GUSB: variants seen among roughly 807,000 people sequenced by gnomAD.
GUSB encodes beta-glucuronidase.
In GUSB, 51 loss-of-function variants were observed where a neutral mutation model predicts 74.6. The observed-to-expected ratio is 0.68, with a 90% CI of 0.55 to 0.86. GUSB has a LOEUF of 0.86. Among genes scored for constraint, GUSB ranks in the 40% least tolerant of loss-of-function variants. The pLI is 0.00. For synonymous variants in GUSB, 360 were observed against 348.3 expected, an observed-to-expected ratio of 1.03 and a Z score of -0.37; for missense variants, 736 against 853.7, an observed-to-expected ratio of 0.86 and a Z score of 1.72.
intron 2 of GUSB, 30 bp from the exon 3 acceptor site, chr7:65,979,941 C>A (rs1222666978): frequency 1.3e-6 from 2 of 1,551,518 alleles, no homozygotes; most frequent in Non-Finnish European, 1.7e-6. Flanking sequence ...GGGGAGGGGG[C>A]TGCAGGTCAG....
At chr7:65,976,893 A>T (rs1444190003) in intron 4 of GUSB, among the ~76,000 whole-genome samples, 1 of 151,848 alleles carries the variant, frequency 6.6e-6, no homozygotes, top group African/African-American at 2.4e-5. Flanking sequence ...GTGAGCTATG[A>T]TCTTGAGGCA....
chr7:65,966,552 G>C (rs961737793), intron 10 of GUSB, among the ~76,000 whole-genome samples: 1 of 152,146 alleles, frequency 6.6e-6, no homozygotes, highest in African/African-American at 2.4e-5. Context: ...CAGCACTTTG[G>C]GAGTCTGAGG....
intron 9 of GUSB, among the ~76,000 whole-genome samples, chr7:65,969,010 G>A (rs1047689879): frequency 3.9e-5 from 6 of 152,298 alleles, no homozygotes; most frequent in Admixed American, 1.3e-4. Flanking sequence ...TCAGCATAGC[G>A]GTGCTTACAG....
chr7:65,980,111 G>A, intron 2 of GUSB, 113 bp downstream of exon 2: 1 of 1,143,584 alleles, frequency 8.7e-7, no homozygotes, highest in Non-Finnish European at 1.3e-6. Context: ...GGGCAGGGCA[G>A]GACCCCCCAC....
chr7:65,974,962 T>A lies in GUSB; in HGVS notation c.1022A>T (p.Lys341Ile). 6.2e-7 allele frequency: 1 copy of A among 1,613,854 alleles called. No individual in the cohort carries two copies. Among genetic ancestry groups the A allele is most frequent in the Non-Finnish European group, 8.5e-7 (1 of 1,179,816 alleles). Residue 341 changes from lysine (K) to isoleucine (I), a missense_variant, in exon 6 of 12, where the codon AAA (lysine) becomes ATA (isoleucine). Transcript: ENST00000304895. ...GTTGACACCGTGGAAATAGAAAGGT[T>A]TCCCATTGATGAGGAACTGGCTCTT... The part of the protein sequence containing the change: ...VTKSQFLING[K>I]PFYFHGVNKH...
intron 8 of GUSB, among the ~76,000 whole-genome samples, chr7:65,971,273 A>C (rs2115913162): frequency 6.6e-6 from 1 of 152,304 alleles, no homozygotes; most frequent in African/African-American, 2.4e-5. Flanking sequence ...ATCTAAGTCC[A>C]CAGGTCCTGG....
chr7:65,980,216 G>C lies in GUSB; in HGVS notation c.396+8C>G. The C allele has an allele frequency of 1.1e-6, 1 of 922,454 alleles. No homozygotes were observed. The highest frequency in any genetic ancestry group is 1.3e-5 in the South Asian group (1 of 75,906). 57.1% of individuals were successfully genotyped at this position (922,454 alleles called of 1,614,324 possible). The stretch of plus-strand genomic sequence containing the variant: ...CCACCCGCCCTGCCTGCTCCTGGCC[G>C]CACTGACCACGATGGCATAGGAATG... On this transcript the variant is annotated splice_region_variant and intron_variant, in intron 2 of 11. Coordinates refer to ENST00000304895, the MANE Select transcript of GUSB (RefSeq NM_000181.4).
chr7:65,974,953 T>C lies in GUSB; in HGVS notation c.1031A>G (p.Tyr344Cys), dbSNP rs762798994. The change falls in exon 6 of 12, where the codon TAT (tyrosine) becomes TGT (cysteine). Residue 344 changes from tyrosine to cysteine, a missense_variant. Tyr to Cys is a radical substitution (Grantham distance 194). Transcript: ENST00000304895. ...SQFLINGKPF[Y>C]FHGVNKHEDA... ...CTCATGCTTGTTGACACCGTGGAAA[T>C]AGAAAGGTTTCCCATTGATGAGGAA... The C allele has an allele frequency of 5.0e-6, 8 of 1,613,604 alleles. No homozygotes were observed. The highest frequency in any genetic ancestry group is 4.0e-5 in the African/African-American group (3 of 74,850).
intron 10 of GUSB, among the ~76,000 whole-genome samples, chr7:65,966,077 T>C (rs6954920): frequency 0.52 from 78,656 of 151,634 alleles, 21,310 homozygotes; most frequent in East Asian, 0.81. Flanking sequence ...GGCTGAGGCA[T>C]GAGAATCGCT....
chr7:65,973,791 C>T (rs781142), intron 8 of GUSB, among the ~76,000 whole-genome samples: 19,104 of 151,896 alleles, frequency 0.13, 1,377 homozygotes, highest in Middle Eastern at 0.21. Context: ...ATTAGCTGGG[C>T]GTGATGACAC....
intron 8 of GUSB, among the ~76,000 whole-genome samples, chr7:65,973,387 G>A (rs1291962158): frequency 6.6e-6 from 1 of 152,156 alleles, no homozygotes; most frequent in Non-Finnish European, 1.5e-5. Context: ...AAGAGATCGA[G>A]ACCATCCTAG....
At position 65,979,384 on chromosome 7, in the gene GUSB, A is replaced by C. The variant is rs762328924; in HGVS notation, c.724+15T>G. On this transcript the variant is annotated intron_variant, in intron 4 of 11. Transcript: ENST00000304895. ...CCCTGGGCCCCGCTGAGAGGATCCT[A>C]CCAGAAGCCCTCACCACTGTCTTGC... The C allele has an allele frequency of 6.2e-7, 1 of 1,612,274 alleles. No homozygotes were observed. The highest frequency in any genetic ancestry group is 1.1e-5 in the South Asian group (1 of 91,022).
At chr7:65,975,272 C>T in intron 5 of GUSB, 1 of 602,728 alleles carries the variant, frequency 1.7e-6, no homozygotes, top group South Asian at 1.9e-5. Flanking sequence ...TTTGACAAGA[C>T]AAGGTGGCTC....
chr7:65,965,027 C>G (rs1207968298), intron 10 of GUSB, among the ~76,000 whole-genome samples: 2 of 152,024 alleles, frequency 1.3e-5, no homozygotes, highest in African/African-American at 4.8e-5. Context: ...TGTGTTCACA[C>G]CACTGCACTC....
chr7:65,969,245 G>A (rs1791040460), intron 9 of GUSB, among the ~76,000 whole-genome samples: 1 of 152,064 alleles, frequency 6.6e-6, no homozygotes, highest in Non-Finnish European at 1.5e-5. Flanking sequence ...AGCTGGGTGT[G>A]GTGGCATGCA....
intron 4 of GUSB, among the ~76,000 whole-genome samples, chr7:65,976,603 G>A (rs1022222525): frequency 2.0e-5 from 3 of 151,802 alleles, no homozygotes; most frequent in Non-Finnish European, 4.4e-5. Context: ...GGGATTACAG[G>A]TGTGAGCCAC....
chr7:65,974,980 T>C lies in GUSB; in HGVS notation c.1004A>G (p.Gln335Arg). The C allele has an allele frequency of 6.2e-7, 1 of 1,613,734 alleles. No homozygotes were observed. Among genetic ancestry groups the C allele is most frequent in the Non-Finnish European group, 8.5e-7 (1 of 1,179,640 alleles). The change falls in exon 6 of 12, where the codon CAG (glutamine) becomes CGG (arginine). Residue 335 changes from glutamine (Q) to arginine (R), a missense_variant. Physicochemically the swap from Gln to Arg is conservative, Grantham distance 43. Coordinates refer to ENST00000304895, the MANE Select transcript of GUSB (RefSeq NM_000181.4). Reference sequence around the variant, plus strand: ...GAAAGGTTTCCCATTGATGAGGAACTGGCTCTTGGTGACAGCCACAGTGCG... The same window carrying C: ...GAAAGGTTTCCCATTGATGAGGAACCGGCTCTTGGTGACAGCCACAGTGCG... ...GIRTVAVTKS[Q>R]FLINGKPFYF...
chr7:65,964,132 G>A (rs574171529), intron 11 of GUSB, 191 bp downstream of exon 11: 29 of 653,964 alleles, frequency 4.4e-5, no homozygotes, highest in Non-Finnish European at 7.0e-5. Context: ...GGAGGCGGGG[G>A]CCTGATTGCT....
rs1251087003 is a variant in GUSB, at chr7:65,964,341, C to T, written c.1771G>A (p.Asp591Asn). ...VVGELIWNFADFMTEQSPTRV... is the reference protein window; with the variant it reads ...VVGELIWNFANFMTEQSPTRV... ...CACTTACACTGTTCAGTCATGAAAT[C>T]GGCAAAATTCCAAATGAGCTCTCCA... The change falls in exon 11 of 12, where the codon GAT (aspartate) becomes AAT (asparagine). Residue 591 changes from aspartate to asparagine, a missense_variant. Transcript: ENST00000304895. The T allele has an allele frequency of 1.2e-6, 2 of 1,611,754 alleles. No homozygotes were observed. Among genetic ancestry groups the T allele is most frequent in the African/African-American group, 1.3e-5 (1 of 74,830 alleles).
Sources: allele counts gnomAD v4.1 joint callset (sites outside exome capture counted in the v4.1 genomes callset), GRCh38; gene constraint gnomAD v4.1.1; transcripts MANE v1.5; gene names NCBI Gene and HGNC (gene_info 2026-07-23, HGNC 2026-07-21).